ARHGAP31: variants seen among roughly 807,000 people sequenced by gnomAD.
ARHGAP31 encodes Rho GTPase activating protein 31, also known as rho GTPase-activating protein 31.
ARHGAP31 carries 34 observed loss-of-function variants against 113.9 expected under a neutral mutation model. That is an observed-to-expected ratio of 0.30 (90% CI 0.23 to 0.40). The LOEUF (loss-of-function observed/expected upper bound fraction) is 0.40. ARHGAP31 is among the 10% of genes least tolerant of loss of function. The pLI, the probability that ARHGAP31 is intolerant of heterozygous loss-of-function variation, is 1.00. For synonymous variants in ARHGAP31, 650 were observed against 684.8 expected, an observed-to-expected ratio of 0.95 and a Z score of 0.79; for missense variants, 1,548 against 1,767.1, an observed-to-expected ratio of 0.88 and a Z score of 2.22.
chr3:119,350,455 A>G (rs950966342), intron 1 of ARHGAP31, among the ~76,000 whole-genome samples: 4 of 152,162 alleles, frequency 2.6e-5, no homozygotes, highest in Non-Finnish European at 5.9e-5. Context: ...AGTAAAATTG[A>G]TTTTAGAAAA....
At chr3:119,369,867 C>T in intron 3 of ARHGAP31, among the ~76,000 whole-genome samples, 1 of 149,972 alleles carries the variant, frequency 6.7e-6, no homozygotes, top group East Asian at 2.0e-4. Context: ...ACAACAACAA[C>T]AACAAAACCA....
chr3:119,406,220 C>T (rs184298854), intron 10 of ARHGAP31, among the ~76,000 whole-genome samples: 35 of 152,208 alleles, frequency 2.3e-4, no homozygotes, highest in Middle Eastern at 3.4e-3. Flanking sequence ...ATGGTTAGCA[C>T]GGGCCCTTCC....
At chr3:119,355,755 G>A (rs1037929337) in intron 1 of ARHGAP31, among the ~76,000 whole-genome samples, 4 of 152,154 alleles carry the variant, frequency 2.6e-5, no homozygotes, top group East Asian at 3.9e-4. Flanking sequence ...CTGTCTTTGC[G>A]ATAGTTTGCT....
intron 1 of ARHGAP31, among the ~76,000 whole-genome samples, chr3:119,328,416 G>T (rs771907093): frequency 6.6e-6 from 1 of 152,164 alleles, no homozygotes. Flanking sequence ...CAAAGCAGAC[G>T]ATTCCATCTG....
chr3:119,315,605 G>A (rs1041981810), intron 1 of ARHGAP31, among the ~76,000 whole-genome samples: 2 of 152,204 alleles, frequency 1.3e-5, no homozygotes, highest in Non-Finnish European at 2.9e-5. Flanking sequence ...ACATCAGGCT[G>A]ACCCACAGTC....
chr3:119,383,058 C>T lies in ARHGAP31; in HGVS notation c.540-26C>T. 1.9e-6 allele frequency: 3 copies of T among 1,613,752 alleles called. 1 individual carries two copies. The highest frequency in any genetic ancestry group is 3.3e-5 in the Admixed American group (2 of 60,024). On this transcript the variant is annotated intron_variant, in intron 5 of 11. Coordinates refer to ENST00000264245, the MANE Select transcript of ARHGAP31 (RefSeq NM_020754.4). ...TCAGGTTGTAAGGCAAACTCACTAA[C>T]TGAATATGTTTCTTCCACACGGTAG...
At chr3:119,357,519 C>A (rs1231890897) in intron 1 of ARHGAP31, among the ~76,000 whole-genome samples, 1 of 152,156 alleles carries the variant, frequency 6.6e-6, no homozygotes, top group East Asian at 1.9e-4. Flanking sequence ...TAAATCAAAT[C>A]TCAGTTTTTA....
chr3:119,302,687 T>G (rs1170129752), intron 1 of ARHGAP31, among the ~76,000 whole-genome samples: 1 of 152,192 alleles, frequency 6.6e-6, no homozygotes, highest in Non-Finnish European at 1.5e-5. Context: ...GCCAAGATTA[T>G]AGAGATGGGA....
At position 119,353,703 on chromosome 3, in the gene ARHGAP31, C is replaced by T. The variant is rs542710116; in HGVS notation, c.101-11613C>T. 1.2e-4 allele frequency among the ~76,000 whole-genome samples: 18 copies of T among 148,278 alleles called. No individual in the cohort carries two copies. In the South Asian group the frequency reaches 3.4e-3, roughly 28 times the overall value. On this transcript the variant is annotated intron_variant, in intron 1 of 11. Coordinates refer to ENST00000264245, the MANE Select transcript of ARHGAP31 (RefSeq NM_020754.4). ...CTCCAGAGGCTGAGGCAGAGAATTG[C>T]TTAAACCTGGAAGGACGGAGGTTGC...
intron 1 of ARHGAP31, among the ~76,000 whole-genome samples, chr3:119,350,481 G>A (rs1262814544): frequency 2.0e-5 from 3 of 152,090 alleles, no homozygotes; most frequent in Non-Finnish European, 2.9e-5. Context: ...AAAACGAGAA[G>A]CCCCCATAGT....
chr3:119,328,360 C>G (rs977862462), intron 1 of ARHGAP31, among the ~76,000 whole-genome samples: 1 of 152,254 alleles, frequency 6.6e-6, no homozygotes, highest in Non-Finnish European at 1.5e-5. Flanking sequence ...GCTTGACTCT[C>G]TTGTCTCTGC....
In ARHGAP31 at chr3:119,415,633, G is replaced by C. The variant is rs1199217774; in HGVS notation, c.3704G>C (p.Gly1235Ala). Residue 1235 changes from glycine (G) to alanine (A), a missense_variant, in exon 12 of 12, where the codon GGA (glycine) becomes GCA (alanine). Gly to Ala is a moderately conservative substitution (Grantham distance 60, BLOSUM62 0). Transcript: ENST00000264245. Reference sequence around the variant, plus strand: ...CAGCCTCTGGAGAGGAGCCAGGAGGGACCCAGCTCAACCAGTGGGACCACT... The same window carrying C: ...CAGCCTCTGGAGAGGAGCCAGGAGGCACCCAGCTCAACCAGTGGGACCACT... ...GVQPLERSQE[G>A]PSSTSGTTQK... 2 of 1,614,010 alleles carry C rather than the reference G, an allele frequency of 1.2e-6. No homozygotes were observed. The highest frequency in any genetic ancestry group is 2.7e-5 in the African/African-American group (2 of 74,896).
intron 3 of ARHGAP31, among the ~76,000 whole-genome samples, chr3:119,370,681 A>G (rs1308661052): frequency 6.6e-6 from 1 of 152,206 alleles, no homozygotes; most frequent in Non-Finnish European, 1.5e-5. Context: ...GTGTGTTAAG[A>G]AATACGGGAA....
rs2080802593 is a variant in ARHGAP31 at position 119,419,104 on chromosome 3, G to A, written c.*2840G>A. On this transcript the variant is annotated 3_prime_UTR_variant, in exon 12 of 12. Coordinates refer to ENST00000264245, the MANE Select transcript of ARHGAP31 (RefSeq NM_020754.4). Reference sequence around the variant, plus strand: ...CCTGAGAATGGCTGGATGGGAATCAGATAGTCTGCTTCCATTCAGGAGAGG... The same window carrying A: ...CCTGAGAATGGCTGGATGGGAATCAAATAGTCTGCTTCCATTCAGGAGAGG... 6.6e-6 allele frequency: 1 copy of A among 152,120 alleles called. No homozygotes were observed. The allele number at this position is 152,120 out of a possible 1,614,324, so 9.4% of individuals were successfully genotyped here. A position where few individuals can be genotyped will look rare whatever the true frequency, so the allele number is the denominator to read the frequency against.
intron 1 of ARHGAP31, among the ~76,000 whole-genome samples, chr3:119,308,402 C>G (rs972552203): frequency 6.6e-6 from 1 of 152,234 alleles, no homozygotes; most frequent in African/African-American, 2.4e-5. Context: ...TCTGGAGGCT[C>G]TGGGGAAGAA....
At chr3:119,343,900 C>T (rs1456692608) in intron 1 of ARHGAP31, among the ~76,000 whole-genome samples, 1 of 152,222 alleles carries the variant, frequency 6.6e-6, no homozygotes, top group Non-Finnish European at 1.5e-5. Context: ...TTTCTCAGTT[C>T]CTCCTCCTGG....
At chr3:119,369,491 C>A (rs750474203) in intron 3 of ARHGAP31, among the ~76,000 whole-genome samples, 7 of 152,152 alleles carry the variant, frequency 4.6e-5, no homozygotes, top group Admixed American at 6.6e-5. Flanking sequence ...GGGTAAGGAC[C>A]AGATCTAGTC....
chr3:119,350,432 C>T (rs2080101236), intron 1 of ARHGAP31, among the ~76,000 whole-genome samples: 1 of 152,080 alleles, frequency 6.6e-6, no homozygotes, highest in Middle Eastern at 3.2e-3. Context: ...ATAAATGTTC[C>T]CCATCTCCCG....
intron 1 of ARHGAP31, among the ~76,000 whole-genome samples, chr3:119,358,871 T>C (rs1222520100): frequency 6.6e-6 from 1 of 152,192 alleles, no homozygotes; most frequent in Non-Finnish European, 1.5e-5. Context: ...CTAATGGATA[T>C]GGGTTCCTTT....
Sources: gnomAD v4.1 joint callset for allele counts (sites outside exome capture counted in the v4.1 genomes callset) on GRCh38, gnomAD v4.1.1 for gene constraint, MANE v1.5 for transcripts, NCBI Gene and HGNC (gene_info 2026-07-23, HGNC 2026-07-21) for gene names.